Variants in RGL1 observed in about 807,000 individuals in gnomAD.
The protein encoded by RGL1 is ral guanine nucleotide dissociation stimulator like 1.
Under a neutral mutation model 95.2 loss-of-function variants are expected in RGL1, and 24 were observed. The ratio of observed to expected loss-of-function variants is 0.25; its 90% CI spans 0.18 to 0.35. RGL1 has a LOEUF of 0.35. Ranked by LOEUF, RGL1 falls within the 10% of genes least tolerant of loss-of-function variation. The pLI is 1.00. For missense variants in RGL1, 715 were observed against 936.3 expected (o/e 0.76, Z 3.08); for synonymous variants, 329 against 344.9 (o/e 0.95, Z 0.51).
intron 4 of RGL1, among the ~76,000 whole-genome samples, chr1:183,868,956 A>T (rs903100058): frequency 2.6e-5 from 4 of 152,150 alleles, no homozygotes; most frequent in South Asian, 4.1e-4. Context: ...CTCTACAAAA[A>T]TTTTTTTAAA....
chr1:183,918,805 C>G (rs543634231), intron 16 of RGL1, among the ~76,000 whole-genome samples: 5 of 152,320 alleles, frequency 3.3e-5, no homozygotes, highest in African/African-American at 1.2e-4. Context: ...ATCCTGCCAG[C>G]GCATGTCACA....
intron 1 of RGL1, among the ~76,000 whole-genome samples, chr1:183,683,673 G>A (rs897287420): frequency 1.7e-4 from 26 of 152,194 alleles, no homozygotes; most frequent in South Asian, 2.1e-4. Context: ...GAGTGTCTTT[G>A]TGGTGTTCTC....
At chr1:183,884,997 A>G (rs1206484945) in intron 7 of RGL1, 59 bp downstream of exon 7, 7 of 1,425,428 alleles carry the variant, frequency 4.9e-6, no homozygotes, top group Admixed American at 3.7e-5. Flanking sequence ...CTGCTCCATC[A>G]CTTCGTTTAA....
At chr1:183,815,039 G>A (rs1010849980) in intron 2 of RGL1, among the ~76,000 whole-genome samples, 7 of 152,252 alleles carry the variant, frequency 4.6e-5, no homozygotes, top group Non-Finnish European at 7.4e-5. Context: ...TGGGAGGTCC[G>A]GATGGGTGGA....
At chr1:183,780,580 C>G (rs1474347284) in intron 2 of RGL1, among the ~76,000 whole-genome samples, 5 of 152,060 alleles carry the variant, frequency 3.3e-5, no homozygotes, top group Admixed American at 2.0e-4. Flanking sequence ...ATGGGATTAC[C>G]ATCAGGTAGG....
chr1:183,742,708 TG>T (rs905997639), intron 2 of RGL1, among the ~76,000 whole-genome samples: 5 of 151,578 alleles, frequency 3.3e-5, no homozygotes, highest in African/African-American at 1.2e-4. Context: ...TGCATATTTG[TG>T]GGGGGTGTGT....
chr1:183,881,511 G>T (rs1458882432), intron 5 of RGL1, among the ~76,000 whole-genome samples: 1 of 152,222 alleles, frequency 6.6e-6, no homozygotes, highest in Non-Finnish European at 1.5e-5. Flanking sequence ...TCAGAAAGAG[G>T]CTGGGACAGG....
intron 2 of RGL1, among the ~76,000 whole-genome samples, chr1:183,819,706 A>G (rs1662324035): frequency 6.6e-6 from 1 of 151,608 alleles, no homozygotes; most frequent in African/African-American, 2.4e-5. Context: ...AATGGCATAA[A>G]TGTTTGCTTT....
At chr1:183,842,552 T>C (rs1232576176) in intron 2 of RGL1, among the ~76,000 whole-genome samples, 1 of 152,200 alleles carries the variant, frequency 6.6e-6, no homozygotes, top group East Asian at 1.9e-4. Context: ...CCCATAGGAC[T>C]CAGACATGTT....
intron 2 of RGL1, among the ~76,000 whole-genome samples, chr1:183,772,980 C>T (rs1659367788): frequency 7.6e-6 from 1 of 131,406 alleles, no homozygotes; most frequent in South Asian, 2.4e-4. Context: ...CTGCAGTCCG[C>T]AGTCCGGCCT....
chr1:183,788,177 A>G (rs943646645), intron 2 of RGL1, among the ~76,000 whole-genome samples: 2 of 152,176 alleles, frequency 1.3e-5, no homozygotes, highest in Non-Finnish European at 2.9e-5. Context: ...TTAATTGGGA[A>G]TTGGCTTACA....
At chr1:183,644,778 G>A (rs907949825) in intron 1 of RGL1, among the ~76,000 whole-genome samples, 2 of 152,054 alleles carry the variant, frequency 1.3e-5, no homozygotes, top group African/African-American at 2.4e-5. Flanking sequence ...AAGATGTAAC[G>A]GCAGTTTAAA....
intron 14 of RGL1, among the ~76,000 whole-genome samples, chr1:183,908,824 C>A (rs1490138868): frequency 1.3e-5 from 2 of 152,188 alleles, no homozygotes; most frequent in Non-Finnish European, 2.9e-5. Flanking sequence ...CAGGCCTAAT[C>A]CTGCGTCCTG....
At chr1:183,907,210 C>G (rs1668386483) in intron 14 of RGL1, 109 bp downstream of exon 14, 7 of 684,912 alleles carry the variant, frequency 1.0e-5, no homozygotes, top group African/African-American at 1.8e-5. Context: ...GAAGAGCACT[C>G]CGCTCATTTG....
intron 4 of RGL1, among the ~76,000 whole-genome samples, chr1:183,876,718 A>ATG (rs903850433): frequency 1.3e-5 from 2 of 152,082 alleles, no homozygotes; most frequent in African/African-American, 2.4e-5. Flanking sequence ...GTGGGCACAT[A>ATG]TGTGTGTGTG....
chr1:183,922,499 C>G (rs1202324815), intron 17 of RGL1, among the ~76,000 whole-genome samples, 163 bp downstream of exon 17: 5 of 152,232 alleles, frequency 3.3e-5, no homozygotes, highest in African/African-American at 1.2e-4. Flanking sequence ...GCCATCACCT[C>G]ACTTGTGGAA....
chr1:183,685,749 T>C (rs1393060237), intron 1 of RGL1, among the ~76,000 whole-genome samples: 1 of 152,206 alleles, frequency 6.6e-6, no homozygotes, highest in Admixed American at 6.5e-5. Context: ...CCTTCAGACC[T>C]AACATGTGGT....
intron 2 of RGL1, among the ~76,000 whole-genome samples, chr1:183,755,380 CTG>C (rs1435331023): frequency 6.6e-6 from 1 of 152,046 alleles, no homozygotes; most frequent in African/African-American, 2.4e-5. Flanking sequence ...TAGTGATTAA[CTG>C]TAACTATTCT....
chr1:183,856,112 A>G (rs1319936190), intron 3 of RGL1, among the ~76,000 whole-genome samples: 1 of 152,190 alleles, frequency 6.6e-6, no homozygotes, highest in Non-Finnish European at 1.5e-5. Context: ...TTTCTAGCTT[A>G]ACATACAATC....
Sources: gnomAD v4.1 joint callset for allele counts (sites outside exome capture counted in the v4.1 genomes callset) on GRCh38, gnomAD v4.1.1 for gene constraint, MANE v1.5 for transcripts, NCBI Gene and HGNC (gene_info 2026-07-23, HGNC 2026-07-21) for gene names.